The following BLTP2 variants were observed in gnomAD, a reference collection of about 807,000 sequenced individuals.
BLTP2 encodes bridge-like lipid transfer protein family member 2, also known as U937-associated antigen.
the BLTP2 span, chr17:28,621,148 T>C: frequency 3.1e-6 from 5 of 1,613,958 alleles, no homozygotes; most frequent in Non-Finnish European, 4.2e-6. Context: ...GGGCTTGCTG[T>C]GCCTCAGCTG....
the BLTP2 span, chr17:28,632,882 CA>C: frequency 7.7e-7 from 1 of 1,301,826 alleles, no homozygotes; most frequent in Non-Finnish European, 1.0e-6. Context: ...CTAAAGTCCC[CA>C]GCATCCATGC....
At chr17:28,637,560 G>A in the BLTP2 span, among the ~76,000 whole-genome samples, 1 of 152,160 alleles carries the variant, frequency 6.6e-6, no homozygotes, top group Admixed American at 6.5e-5. Flanking sequence ...AGCATCTCGT[G>A]CCTCTAATTT....
At chr17:28,635,373 G>C in the BLTP2 span, 7 of 1,614,234 alleles carry the variant, frequency 4.3e-6, no homozygotes, top group Admixed American at 1.0e-4. Context: ...CTGTGAGCTT[G>C]GCTGTGCTCA....
the BLTP2 span, chr17:28,643,117 CA>C: frequency 6.2e-7 from 1 of 1,610,596 alleles, no homozygotes. Flanking sequence ...ACTCCAAAGC[CA>C]ACCATGCCAA....
chr17:28,633,977 C>G, the BLTP2 span: 3 of 1,614,034 alleles, frequency 1.9e-6, no homozygotes, highest in Non-Finnish European at 2.5e-6. Context: ...AGTGCAAGAT[C>G]TGACGCCGAC....
the BLTP2 span, among the ~76,000 whole-genome samples, chr17:28,625,066 G>A: frequency 6.6e-6 from 1 of 152,178 alleles, no homozygotes; most frequent in African/African-American, 2.4e-5. Context: ...GGCCAGGCGC[G>A]GTGGCTCACG....
At chr17:28,643,396 C>A in the BLTP2 span, 2 of 1,552,414 alleles carry the variant, frequency 1.3e-6, no homozygotes, top group East Asian at 4.5e-5. Context: ...CTTTCTCATC[C>A]TTCCTAGAAA....
chr17:28,640,087 T>C, the BLTP2 span: 2 of 1,585,808 alleles, frequency 1.3e-6, no homozygotes, highest in Non-Finnish European at 1.7e-6. Context: ...TCTTTTACTT[T>C]TATTTTTTAA....
At chr17:28,621,534 G>T in the BLTP2 span, 1 of 1,500,266 alleles carries the variant, frequency 6.7e-7, no homozygotes, top group South Asian at 1.1e-5. Flanking sequence ...TAGCTCCTGG[G>T]AAAAGAGTGG....
chr17:28,619,995 T>C, the BLTP2 span: 7 of 1,613,512 alleles, frequency 4.3e-6, no homozygotes, highest in Non-Finnish European at 5.9e-6. Context: ...ACCTGACCCG[T>C]TGCTTCTTCT....
At chr17:28,621,021 G>A in the BLTP2 span, 3 of 1,614,090 alleles carry the variant, frequency 1.9e-6, no homozygotes, top group Non-Finnish European at 2.5e-6. Context: ...TCCTTTTCCT[G>A]GTTCTCAAGA....
chr17:28,626,376 C>T, the BLTP2 span, among the ~76,000 whole-genome samples: 1 of 152,162 alleles, frequency 6.6e-6, no homozygotes, highest in Non-Finnish European at 1.5e-5. Flanking sequence ...CTCTGTGATA[C>T]TGTGAAATAT....
the BLTP2 span, among the ~76,000 whole-genome samples, chr17:28,631,279 T>C: frequency 1.3e-5 from 2 of 152,172 alleles, no homozygotes; most frequent in East Asian, 1.9e-4. Flanking sequence ...AAGGCAGCCA[T>C]CTGCAAGCCA....
the BLTP2 span, chr17:28,617,148 T>C: frequency 6.3e-6 from 8 of 1,277,482 alleles, no homozygotes; most frequent in Admixed American, 3.6e-5. Flanking sequence ...TTGTTTTCCA[T>C]AGTGGATTTA....
At chr17:28,638,438 G>A in the BLTP2 span, 4 of 1,610,280 alleles carry the variant, frequency 2.5e-6, no homozygotes, top group South Asian at 1.1e-5. Flanking sequence ...GAGAAAGAGG[G>A]ATTGCATGGA....
chr17:28,616,464 G>GCAT, the BLTP2 span: 1 of 1,614,048 alleles, frequency 6.2e-7, no homozygotes, highest in Non-Finnish European at 8.5e-7. The surrounding 1 kb of genome is among the most constrained non-coding windows in gnomAD (Gnocchi z 4.8). Flanking sequence ...CAGTGGTACT[G>GCAT]CATCATCTGT....
chr17:28,639,515 C>T, the BLTP2 span: 149,235 of 1,612,886 alleles, frequency 0.093, 7,418 homozygotes, highest in South Asian at 0.15. Flanking sequence ...AAACTCAAAA[C>T]GAAATAATGT....
the BLTP2 span, chr17:28,631,594 G>T: frequency 6.2e-7 from 1 of 1,614,052 alleles, no homozygotes; most frequent in Non-Finnish European, 8.5e-7. Context: ...AGTGGGTGAG[G>T]CCATCAGGTG....
At chr17:28,631,771 G>GA in the BLTP2 span, 1 of 1,604,364 alleles carries the variant, frequency 6.2e-7, no homozygotes. Context: ...ACTGAGAAGG[G>GA]AAAAACAAGG....
Sources: allele counts gnomAD v4.1 joint callset (sites outside exome capture counted in the v4.1 genomes callset), GRCh38; gene constraint gnomAD v4.1.1; non-coding constraint Gnocchi (gnomAD v3.1); transcripts MANE v1.5; gene names NCBI Gene and HGNC (gene_info 2026-07-23, HGNC 2026-07-21).